Variants in LGSN observed in about 807,000 individuals in gnomAD.
The protein encoded by LGSN is lengsin, lens protein with glutamine synthetase domain, also known as lengsin.
A neutral mutation model predicts 19.5 loss-of-function variants in LGSN; 21 were observed. The ratio of observed to expected loss-of-function variants is 1.07; its 90% confidence interval spans 0.76 to 1.55. The LOEUF (loss-of-function observed/expected upper bound fraction) is 1.55. Among genes scored for constraint, LGSN ranks in the 40% most tolerant of loss-of-function variants. The pLI is 0.00. For synonymous variants in LGSN, 257 were observed against 215.6 expected (o/e 1.19, Z -1.68); for missense variants, 673 against 608.5 (o/e 1.11, Z -1.12).
chr6:63,462,739 G>A, the LGSN span, among the ~76,000 whole-genome samples: 10 of 152,058 alleles, frequency 6.6e-5, no homozygotes, highest in African/African-American at 2.2e-4. Flanking sequence ...CCTCTACAGC[G>A]TACTTGCCAT....
At chr6:63,456,352 C>CATATAT in the LGSN span, among the ~76,000 whole-genome samples, 1 of 29,298 alleles carries the variant, frequency 3.4e-5, no homozygotes, top group African/African-American at 1.4e-4. Flanking sequence ...CAGAAATATA[C>CATATAT]ATATATATAT....
the LGSN span, among the ~76,000 whole-genome samples, chr6:63,426,795 G>A: frequency 6.6e-6 from 1 of 152,024 alleles, no homozygotes; most frequent in Admixed American, 6.6e-5. Context: ...GATTACAGGT[G>A]TGAGCCACCA....
chr6:63,459,712 G>A, the LGSN span, among the ~76,000 whole-genome samples: 14 of 152,102 alleles, frequency 9.2e-5, 1 homozygote, highest in Admixed American at 5.9e-4. Context: ...TCAGGAGTTC[G>A]AGAACAGCCT....
chr6:63,285,492 G>A, intron 3 of LGSN, 95 bp downstream of exon 3: 2 of 988,640 alleles, frequency 2.0e-6, no homozygotes, highest in South Asian at 1.7e-5. Flanking sequence ...TTGAATTGCT[G>A]TATAAGATTA....
At chr6:63,336,121 G>C in the LGSN span, among the ~76,000 whole-genome samples, 2 of 152,160 alleles carry the variant, frequency 1.3e-5, no homozygotes. Flanking sequence ...CAAACATACA[G>C]TTAAATAGAA....
chr6:63,514,680 TAAGTA>T, the LGSN span, among the ~76,000 whole-genome samples: 1 of 152,250 alleles, frequency 6.6e-6, no homozygotes, highest in Admixed American at 6.5e-5. Context: ...TGTGGTTTGT[TAAGTA>T]AAGAACTTCT....
the LGSN span, among the ~76,000 whole-genome samples, chr6:63,517,016 A>G: frequency 8.5e-4 from 130 of 152,294 alleles, 1 homozygote; most frequent in Admixed American, 1.6e-3. Flanking sequence ...TTGTTTTGGG[A>G]TATTTATTTC....
At chr6:63,284,335 T>C (rs1562005232) in intron 3 of LGSN, among the ~76,000 whole-genome samples, 1 of 152,198 alleles carries the variant, frequency 6.6e-6, no homozygotes, top group Non-Finnish European at 1.5e-5. Flanking sequence ...AAGTGTTTTT[T>C]GTATGTGGGA....
At chr6:63,406,713 C>T in the LGSN span, among the ~76,000 whole-genome samples, 2 of 151,798 alleles carry the variant, frequency 1.3e-5, no homozygotes, top group Non-Finnish European at 2.9e-5. Flanking sequence ...CACAAAAAAC[C>T]CTTCAAAAAA....
chr6:63,349,036 G>T, the LGSN span, among the ~76,000 whole-genome samples: 19 of 152,102 alleles, frequency 1.2e-4, no homozygotes, highest in Admixed American at 1.2e-3. Flanking sequence ...GGAAAAGGGG[G>T]CAGAAGTCAA....
chr6:63,477,577 G>A, the LGSN span, among the ~76,000 whole-genome samples: 1 of 147,988 alleles, frequency 6.8e-6, no homozygotes, highest in Non-Finnish European at 1.5e-5. Flanking sequence ...TCTCGTCCTA[G>A]TCTACGAAGC....
chr6:63,497,764 C>T, the LGSN span, among the ~76,000 whole-genome samples: 2 of 151,698 alleles, frequency 1.3e-5, no homozygotes, highest in African/African-American at 4.9e-5. Flanking sequence ...ATTTTATAGC[C>T]CTTTATATTT....
At chr6:63,546,684 C>T in the LGSN span, among the ~76,000 whole-genome samples, 2 of 150,198 alleles carry the variant, frequency 1.3e-5, no homozygotes, top group South Asian at 2.1e-4. Flanking sequence ...CCAGCCTGGC[C>T]AATGAGAGCA....
At chr6:63,461,686 G>A in the LGSN span, among the ~76,000 whole-genome samples, 1 of 152,204 alleles carries the variant, frequency 6.6e-6, no homozygotes, top group South Asian at 2.1e-4. Flanking sequence ...ACATTGGACA[G>A]TTGGCAAAGG....
the LGSN span, among the ~76,000 whole-genome samples, chr6:63,406,360 A>T: frequency 1.3e-5 from 2 of 152,120 alleles, no homozygotes; most frequent in African/African-American, 4.8e-5. Context: ...ACTACAACTC[A>T]GGATTAAGAA....
intron 1 of LGSN, among the ~76,000 whole-genome samples, chr6:63,312,643 G>A (rs566266958): frequency 6.6e-6 from 1 of 152,234 alleles, no homozygotes; most frequent in East Asian, 1.9e-4. Flanking sequence ...GTCCCTTGTA[G>A]AATTGAGAAA....
the LGSN span, among the ~76,000 whole-genome samples, chr6:63,456,778 C>A: frequency 2.0e-5 from 3 of 152,054 alleles, no homozygotes; most frequent in African/African-American, 2.4e-5. Flanking sequence ...TTTTATAGCA[C>A]CCCCTTCATC....
the LGSN span, among the ~76,000 whole-genome samples, chr6:63,411,487 C>T: frequency 5.7e-4 from 87 of 152,234 alleles, 1 homozygote; most frequent in African/African-American, 2.0e-3. Context: ...TTGCGCTGCT[C>T]ACACTATTAA....
the LGSN span, among the ~76,000 whole-genome samples, chr6:63,528,356 G>A: frequency 6.6e-6 from 1 of 152,120 alleles, no homozygotes. Context: ...AGCTACTCTG[G>A]AGGCTGAGGT....
Sources: allele counts gnomAD v4.1 joint callset (sites outside exome capture counted in the v4.1 genomes callset), GRCh38; gene constraint gnomAD v4.1.1; transcripts MANE v1.5; gene names NCBI Gene and HGNC (gene_info 2026-07-23, HGNC 2026-07-21).